Variants in MAPKAP1 observed in about 807,000 individuals in gnomAD.
MAPKAP1 encodes the protein MAPK associated protein 1.
MAPKAP1 carries 20 observed loss-of-function variants against 65.7 expected under a neutral mutation model. That is an observed-to-expected ratio of 0.30 (90% CI 0.21 to 0.44). MAPKAP1 has a LOEUF of 0.44. Among genes scored for constraint, MAPKAP1 ranks in the 20% least tolerant of loss-of-function variants. MAPKAP1 has a pLI of 1.00. For missense variants in MAPKAP1, 423 were observed against 648.0 expected (o/e 0.65, Z 3.77); for synonymous variants, 222 against 244.3 (o/e 0.91, Z 0.85).
intron 6 of MAPKAP1, among the ~76,000 whole-genome samples, chr9:125,548,105 G>A (rs1051865630): frequency 6.6e-6 from 1 of 152,052 alleles, no homozygotes; most frequent in African/African-American, 2.4e-5. Context: ...CCTAAAATAG[G>A]TACAATTATT....
At chr9:125,518,065 G>T (rs1829514189) in intron 7 of MAPKAP1, among the ~76,000 whole-genome samples, 1 of 152,168 alleles carries the variant, frequency 6.6e-6, no homozygotes, top group South Asian at 2.1e-4. Context: ...TCCACAAGGT[G>T]GCCTTGAAAA....
chr9:125,579,945 A>T (rs1330583870), intron 5 of MAPKAP1, among the ~76,000 whole-genome samples: 1 of 152,238 alleles, frequency 6.6e-6, no homozygotes, highest in Non-Finnish European at 1.5e-5. Flanking sequence ...ACAACTATTT[A>T]AAAATGTCAT....
chr9:125,700,051 T>C (rs920921198), intron 1 of MAPKAP1, among the ~76,000 whole-genome samples: 1 of 152,174 alleles, frequency 6.6e-6, no homozygotes, highest in African/African-American at 2.4e-5. Context: ...GGCATTACTG[T>C]CCCCATTTTG....
At chr9:125,663,446 C>T (rs1332297426) in intron 3 of MAPKAP1, among the ~76,000 whole-genome samples, 1 of 152,120 alleles carries the variant, frequency 6.6e-6, no homozygotes, top group African/African-American at 2.4e-5. Flanking sequence ...TAGCAAAATT[C>T]TCTGCCTAGC....
intron 8 of MAPKAP1, among the ~76,000 whole-genome samples, chr9:125,493,228 AT>A (rs1190554188): frequency 1.3e-5 from 2 of 152,208 alleles, no homozygotes; most frequent in Non-Finnish European, 2.9e-5. Context: ...TTGAAGTCTT[AT>A]TGCTACTCCC....
intron 5 of MAPKAP1, among the ~76,000 whole-genome samples, chr9:125,560,684 A>G (rs1042540874): frequency 6.6e-6 from 1 of 152,244 alleles, no homozygotes; most frequent in Admixed American, 6.5e-5. Flanking sequence ...TCCCTTCTCT[A>G]AAGAGTATCT....
chr9:125,506,742 T>C (rs112079961), intron 7 of MAPKAP1, among the ~76,000 whole-genome samples: 2,176 of 152,282 alleles, frequency 0.014, 18 homozygotes, highest in South Asian at 0.041. Flanking sequence ...TTTCCTAATA[T>C]GTAATGTAGG....
chr9:125,553,646 T>A (rs762956599), intron 6 of MAPKAP1, among the ~76,000 whole-genome samples: 6 of 152,214 alleles, frequency 3.9e-5, no homozygotes, highest in Non-Finnish European at 8.8e-5. Flanking sequence ...CATTTGTCTA[T>A]GTAGTCTACG....
chr9:125,489,760 T>A (rs1004211618), intron 8 of MAPKAP1, among the ~76,000 whole-genome samples: 8 of 152,128 alleles, frequency 5.3e-5, no homozygotes, highest in Non-Finnish European at 1.0e-4. Flanking sequence ...AGGTGGAGTC[T>A]AGGGCCTGCA....
chr9:125,663,109 A>G (rs1468628986), intron 3 of MAPKAP1, among the ~76,000 whole-genome samples: 2 of 152,194 alleles, frequency 1.3e-5, no homozygotes, highest in African/African-American at 2.4e-5. Context: ...AAGAAGTCAC[A>G]TATCACATCA....
intron 7 of MAPKAP1, chr9:125,521,860 T>C: frequency 8.8e-6 from 10 of 1,138,518 alleles, no homozygotes; most frequent in Non-Finnish European, 1.3e-5. Context: ...CCTGAGTCAG[T>C]GGAGAGCAAG....
chr9:125,561,165 T>C (rs1334142371), intron 5 of MAPKAP1, among the ~76,000 whole-genome samples: 2 of 152,228 alleles, frequency 1.3e-5, no homozygotes. Flanking sequence ...TATAGATCAT[T>C]TTTTGAATTA....
intron 1 of MAPKAP1, among the ~76,000 whole-genome samples, chr9:125,680,291 C>A (rs1834783692): frequency 6.6e-6 from 1 of 152,016 alleles, no homozygotes; most frequent in Middle Eastern, 3.2e-3. Flanking sequence ...TTTATAAAAA[C>A]CAACAGACCC....
chr9:125,465,159 T>C (rs933218435), intron 10 of MAPKAP1, among the ~76,000 whole-genome samples: 6 of 152,226 alleles, frequency 3.9e-5, no homozygotes, highest in Admixed American at 1.3e-4. Context: ...AAAGGAAATA[T>C]ATTGCAGAAA....
At chr9:125,552,183 A>C (rs1165676184) in intron 6 of MAPKAP1, among the ~76,000 whole-genome samples, 1 of 152,230 alleles carries the variant, frequency 6.6e-6, no homozygotes, top group African/African-American at 2.4e-5. Context: ...TAGCTTAGGA[A>C]TCCACTTGAA....
At chr9:125,494,999 A>T (rs983110734) in intron 8 of MAPKAP1, among the ~76,000 whole-genome samples, 2 of 152,228 alleles carry the variant, frequency 1.3e-5, no homozygotes, top group Non-Finnish European at 2.9e-5. Context: ...TACAGGATGA[A>T]GCATGACCAC....
chr9:125,452,099 C>A (rs941743604), intron 10 of MAPKAP1, among the ~76,000 whole-genome samples: 1 of 150,398 alleles, frequency 6.6e-6, no homozygotes, highest in Non-Finnish European at 1.5e-5. Context: ...CATGAGCCAC[C>A]GCACCAGCCC....
At chr9:125,573,182 AC>A (rs1416625828) in intron 5 of MAPKAP1, among the ~76,000 whole-genome samples, 1 of 151,690 alleles carries the variant, frequency 6.6e-6, no homozygotes, top group Admixed American at 6.6e-5. Context: ...GCTGAAACCT[AC>A]CAGGCTGCAC....
chr9:125,596,963 T>TAA (rs56718500), intron 4 of MAPKAP1, among the ~76,000 whole-genome samples: 2,261 of 129,276 alleles, frequency 0.017, 81 homozygotes, highest in African/African-American at 0.056. Context: ...AAATGTGTCT[T>TAA]AAAAAAAAAA....
Sources: gnomAD v4.1 joint callset for allele counts (sites outside exome capture counted in the v4.1 genomes callset) on GRCh38, gnomAD v4.1.1 for gene constraint, MANE v1.5 for transcripts, NCBI Gene and HGNC (gene_info 2026-07-23, HGNC 2026-07-21) for gene names.